Variants in SASH1 observed in about 807,000 individuals in gnomAD.
SASH1 encodes the protein SAM and SH3 domain-containing protein 1.
In SASH1, 44 loss-of-function variants were observed where a neutral mutation model predicts 125.2. The ratio of observed to expected loss-of-function variants is 0.35; its 90% CI spans 0.28 to 0.45. The LOEUF is 0.45. Among genes scored for constraint, SASH1 ranks in the 20% least tolerant of loss-of-function variants. The pLI, the probability that SASH1 is intolerant of heterozygous loss-of-function variation, is 1.00. For missense variants in SASH1, 1,426 were observed against 1,614.5 expected (o/e 0.88, Z 2.00); for synonymous variants, 639 against 649.1 (o/e 0.98, Z 0.24).
At chr6:148,406,066 C>A (rs1784358605) in intron 2 of SASH1, among the ~76,000 whole-genome samples, 2 of 152,110 alleles carry the variant, frequency 1.3e-5, no homozygotes, top group African/African-American at 4.8e-5. Flanking sequence ...CAGAATGGGG[C>A]AGGGTAGGGC....
At position 148,533,740 on chromosome 6, in the gene SASH1, A is replaced by G. The variant is rs778949144; in HGVS notation, c.1735-31A>G. 2.1e-5 allele frequency: 33 copies of G among 1,574,314 alleles called. No individual in the cohort carries two copies. Among genetic ancestry groups the G allele is most frequent in the Non-Finnish European group, 2.8e-5 (32 of 1,147,284 alleles). On this transcript the variant is annotated intron_variant, in intron 14 of 19. Transcript: ENST00000367467. This position sits in a 1 kb window ranked among gnomAD's most constrained non-coding sequence, Gnocchi z 6.2. ...ATTTGTACGTTCATGGAATGTACCTAATGGAAAGATCTTTGCTCCCTGGGC... is the reference window on the plus strand; with the variant it reads ...ATTTGTACGTTCATGGAATGTACCTGATGGAAAGATCTTTGCTCCCTGGGC...
intron 16 of SASH1, among the ~76,000 whole-genome samples, chr6:148,538,068 C>T (rs982295772): frequency 6.6e-6 from 1 of 152,088 alleles, no homozygotes; most frequent in African/African-American, 2.4e-5. Context: ...AGGAGAGGCA[C>T]CTCACCTCTT....
intron 1 of SASH1, among the ~76,000 whole-genome samples, chr6:148,378,247 T>C (rs1583050092): frequency 6.6e-6 from 1 of 151,290 alleles, no homozygotes; most frequent in South Asian, 2.1e-4. Context: ...AAAGGCGGGG[T>C]TTCACCATGT....
intron 1 of SASH1, among the ~76,000 whole-genome samples, chr6:148,318,793 C>T (rs1248339012): frequency 4.0e-5 from 6 of 151,844 alleles, no homozygotes; most frequent in Non-Finnish European, 5.9e-5. Context: ...CCTTGTGATC[C>T]GCCCGCCTCA....
chr6:148,544,401 G>C lies in SASH1; in HGVS notation c.2931G>C (p.Gln977His), dbSNP rs773220024. The change falls in exon 18 of 20, where the codon CAG becomes CAC. Residue 977 changes from glutamine (Q) to histidine (H), a missense_variant. Coordinates refer to ENST00000367467, the MANE Select transcript of SASH1 (RefSeq NM_015278.5). This position sits in a 1 kb window ranked among gnomAD's most constrained non-coding sequence, Gnocchi z 6.4. Reference protein sequence around the residue: ...KEGVDAEQRMQPKIPSQPPPV... With the variant: ...KEGVDAEQRMHPKIPSQPPPV... ...GGGTAGATGCTGAGCAGAGAATGCA[G>C]CCCAAAATTCCATCACAGCCTCCAC... 6.2e-7 allele frequency: 1 copy of C among 1,614,190 alleles called. No homozygotes were observed. The highest frequency in any genetic ancestry group is 1.3e-5 in the African/African-American group (1 of 75,038).
At chr6:148,417,789 G>A (rs1229596278) in intron 2 of SASH1, among the ~76,000 whole-genome samples, 3 of 151,924 alleles carry the variant, frequency 2.0e-5, no homozygotes, top group South Asian at 4.2e-4. Flanking sequence ...TACACGTAAC[G>A]AAAAAGTGCT....
At chr6:148,512,011 T>TTATTTATTTATTTATC (rs367571575) in intron 8 of SASH1, among the ~76,000 whole-genome samples, 30,855 of 151,012 alleles carry the variant, frequency 0.2, 3,631 homozygotes, top group Middle Eastern at 0.33. Context: ...CAACATTTAT[T>TTATTTATTTATTTATC]TATTTATTTA....
chr6:148,264,277 G>T, the SASH1 span, among the ~76,000 whole-genome samples: 1 of 151,782 alleles, frequency 6.6e-6, no homozygotes, highest in Non-Finnish European at 1.5e-5. Flanking sequence ...TGTCCCAGCT[G>T]GGAATGTAGA....
At chr6:148,517,001 C>T (rs1010238152) in intron 9 of SASH1, among the ~76,000 whole-genome samples, 3 of 152,214 alleles carry the variant, frequency 2.0e-5, no homozygotes, top group Admixed American at 2.0e-4. Context: ...TGCCCTTTAT[C>T]TGCCCATTTC....
intron 4 of SASH1, among the ~76,000 whole-genome samples, chr6:148,449,250 A>G (rs1291516999): frequency 6.7e-6 from 1 of 148,952 alleles, no homozygotes; most frequent in African/African-American, 2.5e-5. Flanking sequence ...TTGTATTTTT[A>G]GTAGAGACAG....
intron 1 of SASH1, among the ~76,000 whole-genome samples, chr6:148,294,967 G>T (rs1779726252): frequency 6.6e-6 from 1 of 152,176 alleles, no homozygotes; most frequent in South Asian, 2.1e-4. Flanking sequence ...GCATAGAATT[G>T]AATCTGGTTC....
intron 8 of SASH1, among the ~76,000 whole-genome samples, chr6:148,505,560 C>T (rs922401370): frequency 5.9e-5 from 9 of 152,266 alleles, no homozygotes; most frequent in Admixed American, 3.3e-4. Flanking sequence ...ATCTGCCTGC[C>T]TTGGCCTCCC....
At chr6:148,304,146 T>C (rs1780053362) in intron 1 of SASH1, among the ~76,000 whole-genome samples, 1 of 149,018 alleles carries the variant, frequency 6.7e-6, no homozygotes, top group Non-Finnish European at 1.5e-5. Flanking sequence ...CTGCTAAAAA[T>C]ACAAAAAAAT....
intron 10 of SASH1, among the ~76,000 whole-genome samples, chr6:148,522,985 T>TATCA (rs1030452110): frequency 6.6e-6 from 1 of 152,266 alleles, no homozygotes; most frequent in Non-Finnish European, 1.5e-5. Flanking sequence ...TATCTTAGCC[T>TATCA]ATCACTGAAA....
At chr6:148,218,912 C>T in the SASH1 span, among the ~76,000 whole-genome samples, 1 of 152,202 alleles carries the variant, frequency 6.6e-6, no homozygotes, top group African/African-American at 2.4e-5. Context: ...TGAAATATCC[C>T]TCTTCCAATC....
chr6:148,317,797 C>A (rs534205980), intron 1 of SASH1, among the ~76,000 whole-genome samples: 1 of 152,316 alleles, frequency 6.6e-6, no homozygotes, highest in South Asian at 2.1e-4. Context: ...AGGTTCCATT[C>A]ATGAAATATT....
the SASH1 span, among the ~76,000 whole-genome samples, chr6:148,238,350 A>G: frequency 3.3e-5 from 5 of 151,850 alleles, no homozygotes; most frequent in Non-Finnish European, 5.9e-5. Flanking sequence ...CAGTCTCCCA[A>G]GTAGCTGGAA....
intron 1 of SASH1, among the ~76,000 whole-genome samples, chr6:148,275,683 A>G (rs921168552): frequency 2.0e-5 from 3 of 152,162 alleles, no homozygotes; most frequent in African/African-American, 7.2e-5. Flanking sequence ...TTTCCATAAG[A>G]TCTTAAAAGT....
chr6:148,331,156 A>G (rs73788510), intron 1 of SASH1, among the ~76,000 whole-genome samples: 2,265 of 152,252 alleles, frequency 0.015, 59 homozygotes, highest in African/African-American at 0.05. Context: ...ATCTGTATAG[A>G]TCTTGCCAGA....
Sources: allele counts gnomAD v4.1 joint callset (sites outside exome capture counted in the v4.1 genomes callset), GRCh38; gene constraint gnomAD v4.1.1; non-coding constraint Gnocchi (gnomAD v3.1); transcripts MANE v1.5; gene names NCBI Gene and HGNC (gene_info 2026-07-23, HGNC 2026-07-21).